The following ABCG4 variants were observed in gnomAD, a reference collection of about 807,000 sequenced individuals.
ABCG4 encodes ATP binding cassette subfamily G member 4.
ABCG4 carries 35 observed loss-of-function variants against 64.6 expected under a neutral mutation model. The ratio of observed to expected loss-of-function variants is 0.54; its 90% CI spans 0.41 to 0.72. The LOEUF (loss-of-function observed/expected upper bound fraction) is 0.72. Among genes scored for constraint, ABCG4 ranks in the 30% least tolerant of loss-of-function variants. ABCG4 has a pLI of 0.00. For missense variants in ABCG4, 610 were observed against 846.3 expected (o/e 0.72, Z 3.46); for synonymous variants, 326 against 348.2 (o/e 0.94, Z 0.71).
Position 119,154,683 on chromosome 11 carries a change from T to C in ABCG4, c.541-87T>C. On this transcript the variant is annotated intron_variant, in intron 5 of 14. Coordinates refer to ENST00000619701, the MANE Select transcript of ABCG4 (RefSeq NM_022169.5). The surrounding 1 kb of genome is among the most constrained non-coding windows in gnomAD (Gnocchi z 7.0). ...GGTGGCCTAGGCCGAGACAATGCAC[T>C]TAAGGGAGATGCTTTTTGAAGCTGG... The C allele has an allele frequency of 6.3e-7, 1 of 1,588,978 alleles. No homozygotes were observed. The highest frequency in any genetic ancestry group is 2.2e-5 in the East Asian group (1 of 44,518).
rs764526008 is a variant in ABCG4 at position 119,155,110 on chromosome 11, T to C, written c.686+195T>C. 5.3e-5 allele frequency among the ~76,000 whole-genome samples: 8 copies of C among 152,174 alleles called. No individual in the cohort carries two copies. The highest frequency in any genetic ancestry group is 1.2e-4 in the Non-Finnish European group (8 of 68,024). ...GCCCCATCCTTCGCCTGGGCAGAGA[T>C]CTAGGTGTCCTCCTTGATTGACACC... is the stretch of plus-strand genomic sequence containing the variant. On this transcript the variant is annotated intron_variant, in intron 6 of 14. Transcript: ENST00000619701. The surrounding 1 kb of genome is among the most constrained non-coding windows in gnomAD (Gnocchi z 4.5).
In ABCG4 at chr11:119,154,078, G is replaced by A; in HGVS notation, c.291G>A (p.Leu97=). ...CAGGTAAATTCTGCCGCCGGGAGCT[G>A]ATTGGCATCATGGGCCCCTCAGGGG... The part of the protein sequence containing the change: ...CLSGKFCRRE[L]IGIMGPSGAG... Residue 97 remains leucine, a synonymous_variant, in exon 3 of 15, where the codon CTG becomes CTA. Coordinates refer to ENST00000619701, the MANE Select transcript of ABCG4 (RefSeq NM_022169.5). This position sits in a 1 kb window ranked among gnomAD's most constrained non-coding sequence, Gnocchi z 7.0. 18 of 1,614,226 alleles carry A rather than the reference G, an allele frequency of 1.1e-5. No individual in the cohort carries two copies. Among genetic ancestry groups the A allele is most frequent in the Non-Finnish European group, 1.5e-5 (18 of 1,180,040 alleles).
In ABCG4 at chr11:119,156,865, T is replaced by A. The variant is rs201059363; in HGVS notation, c.926-7T>A. On this transcript the variant is annotated splice_polypyrimidine_tract_variant and splice_region_variant and intron_variant, in intron 8 of 14. Coordinates refer to ENST00000619701, the MANE Select transcript of ABCG4 (RefSeq NM_022169.5). The surrounding 1 kb of genome is among the most constrained non-coding windows in gnomAD (Gnocchi z 5.5). ...TCTAAACTGAGCTCTCCACTCTGTGTCCCCAGTCATCGAGGTGGCCTCTGG... is the reference window on the plus strand; with the variant it reads ...TCTAAACTGAGCTCTCCACTCTGTGACCCCAGTCATCGAGGTGGCCTCTGG... 7.5e-5 allele frequency: 121 copies of A among 1,605,316 alleles called. No individual in the cohort carries two copies. Among genetic ancestry groups the A allele is most frequent in the Non-Finnish European group, 4.3e-5 (51 of 1,175,358 alleles).
At chr11:119,153,985 C>T (rs769422000) in intron 2 of ABCG4, 41 bp from the exon 3 acceptor site, 1 of 1,569,542 alleles carries the variant, frequency 6.4e-7, no homozygotes, top group Admixed American at 1.7e-5. Context: ...TACCTCTGTT[C>T]ACTGCAGCCT....
At chr11:119,152,136 G>A (rs776593391) in intron 2 of ABCG4, among the ~76,000 whole-genome samples, 23 of 152,172 alleles carry the variant, frequency 1.5e-4, no homozygotes, top group Non-Finnish European at 2.8e-4. Context: ...GCTGGAGTGC[G>A]CCACCAAATG....
At position 119,154,067 on chromosome 11, in the gene ABCG4, C is replaced by T. The variant is rs758347342; in HGVS notation, c.280C>T (p.Arg94Cys). 1.1e-5 allele frequency: 17 copies of T among 1,614,174 alleles called. No homozygotes were observed. Among genetic ancestry groups the T allele is most frequent in the Admixed American group, 8.3e-5 (5 of 60,018 alleles). The change falls in exon 3 of 15, where the codon CGC becomes TGC. Residue 94 changes from arginine (R) to cysteine (C), a missense_variant. Coordinates refer to ENST00000619701, the MANE Select transcript of ABCG4 (RefSeq NM_022169.5). This position sits in a 1 kb window ranked among gnomAD's most constrained non-coding sequence, Gnocchi z 7.0. Reference protein sequence around the residue: ...LLKCLSGKFCRRELIGIMGPS... With the variant: ...LLKCLSGKFCCRELIGIMGPS... Reference sequence around the variant, plus strand: ...CAAGTGCCTCTCAGGTAAATTCTGCCGCCGGGAGCTGATTGGCATCATGGG... The same window carrying T: ...CAAGTGCCTCTCAGGTAAATTCTGCTGCCGGGAGCTGATTGGCATCATGGG...
chr11:119,154,376 T>C lies in ABCG4; in HGVS notation c.473T>C (p.Val158Ala). 1 of 1,614,010 alleles carries C rather than the reference T, an allele frequency of 6.2e-7. No individual in the cohort carries two copies. The highest frequency in any genetic ancestry group is 8.5e-7 in the Non-Finnish European group (1 of 1,179,992). ...GACATGCTGCTGCCGCACCTCACGG[T>C]GTTGGAAGCCATGATGGTGAGGGCT... ...QDDMLLPHLT[V>A]LEAMMVSANL... is the part of the protein sequence containing the mutation. Residue 158 changes from valine to alanine, a missense_variant, in exon 4 of 15, where the codon GTG becomes GCG. By Grantham distance (64) the Val-to-Ala change is moderately conservative. Transcript: ENST00000619701. The surrounding 1 kb of genome is among the most constrained non-coding windows in gnomAD (Gnocchi z 7.0).
At position 119,158,407 on chromosome 11, in the gene ABCG4, A is replaced by C. The variant is rs559240628; in HGVS notation, c.1167+75A>C. The stretch of plus-strand genomic sequence containing the variant: ...GGGCTGTAGGATCCCAGCAGCTGAA[A>C]TGGGAATGGGGACCCTCCCTCACAG... On this transcript the variant is annotated intron_variant, in intron 10 of 14. Coordinates refer to ENST00000619701, the MANE Select transcript of ABCG4 (RefSeq NM_022169.5). The surrounding 1 kb of genome is among the most constrained non-coding windows in gnomAD (Gnocchi z 4.5). The C allele has an allele frequency of 7.2e-5, 113 of 1,572,640 alleles. No individual in the cohort carries two copies. The African/African-American group carries it at 1.4e-3, about 20-fold the overall frequency.
In ABCG4 at chr11:119,150,029, G is replaced by T. The variant is rs896751158; in HGVS notation, c.64G>T (p.Val22Leu). Residue 22 changes from valine (V) to leucine (L), a missense_variant, in exon 2 of 15, where the codon GTG becomes TTG. By Grantham distance (32) the Val-to-Leu change is conservative. Coordinates refer to ENST00000619701, the MANE Select transcript of ABCG4 (RefSeq NM_022169.5). This position sits in a 1 kb window ranked among gnomAD's most constrained non-coding sequence, Gnocchi z 4.3. Reference protein sequence around the residue: ...GLGPGAVAMAVTLEDGAEPPV... With the variant: ...GLGPGAVAMALTLEDGAEPPV... Reference sequence around the variant, plus strand: ...AGGGCCGGGGGCTGTGGCCATGGCCGTGACGCTGGAGGACGGGGCGGAACC... The same window carrying T: ...AGGGCCGGGGGCTGTGGCCATGGCCTTGACGCTGGAGGACGGGGCGGAACC... 1.2e-6 allele frequency: 2 copies of T among 1,613,236 alleles called. No individual in the cohort carries two copies. The highest frequency in any genetic ancestry group is 3.3e-5 in the Admixed American group (2 of 60,024).
rs200518503 is a variant in ABCG4 at position 119,156,689 on chromosome 11, G to T, written c.925+11G>T. 8.7e-6 allele frequency: 14 copies of T among 1,613,648 alleles called. No homozygotes were observed. The highest frequency in any genetic ancestry group is 1.2e-5 in the Non-Finnish European group (14 of 1,179,564). On this transcript the variant is annotated intron_variant, in intron 8 of 14. Transcript: ENST00000619701. This position sits in a 1 kb window ranked among gnomAD's most constrained non-coding sequence, Gnocchi z 5.5. Reference sequence around the variant, plus strand: ...ACCCGGCTGACTTCAGTGAGTGGGGGTCTGTTGGTAGGGGCTGGGAAACAG... The same window carrying T: ...ACCCGGCTGACTTCAGTGAGTGGGGTTCTGTTGGTAGGGGCTGGGAAACAG...
At position 119,158,947 on chromosome 11, in the gene ABCG4, A is replaced by G; in HGVS notation, c.1437+18A>G. On this transcript the variant is annotated intron_variant, in intron 12 of 14. Coordinates refer to ENST00000619701, the MANE Select transcript of ABCG4 (RefSeq NM_022169.5). This position sits in a 1 kb window ranked among gnomAD's most constrained non-coding sequence, Gnocchi z 4.5. Reference sequence around the variant, plus strand: ...CCTTTCAGGTGGGCCTCTTCCTCCCACCTGCCCACTGCCTCCATCTTGTCT... The same window carrying G: ...CCTTTCAGGTGGGCCTCTTCCTCCCGCCTGCCCACTGCCTCCATCTTGTCT... 1 of 1,609,518 alleles carries G rather than the reference A, an allele frequency of 6.2e-7. No individual in the cohort carries two copies. Among genetic ancestry groups the G allele is most frequent in the South Asian group, 1.1e-5 (1 of 90,960 alleles).
chr11:119,158,447 T>C lies in ABCG4; in HGVS notation c.1168-110T>C, dbSNP rs746048701. ...CTCCCTCACAGCCCTGCAATGTGCC[T>C]GTGGGGTCTCTGTGCCTGTGAGGGC... On this transcript the variant is annotated intron_variant, in intron 10 of 14. Coordinates refer to ENST00000619701, the MANE Select transcript of ABCG4 (RefSeq NM_022169.5). The surrounding 1 kb of genome is among the most constrained non-coding windows in gnomAD (Gnocchi z 4.5). 8.4e-6 allele frequency: 13 copies of C among 1,556,298 alleles called. No individual in the cohort carries two copies. The highest frequency in any genetic ancestry group is 2.2e-5 in the East Asian group (1 of 44,582).
chr11:119,158,412 A>T lies in ABCG4; in HGVS notation c.1167+80A>T. On this transcript the variant is annotated intron_variant, in intron 10 of 14. Transcript: ENST00000619701. This position sits in a 1 kb window ranked among gnomAD's most constrained non-coding sequence, Gnocchi z 4.5. ...GTAGGATCCCAGCAGCTGAAATGGGAATGGGGACCCTCCCTCACAGCCCTG... is the reference window on the plus strand; with the variant it reads ...GTAGGATCCCAGCAGCTGAAATGGGTATGGGGACCCTCCCTCACAGCCCTG... 6.4e-7 allele frequency: 1 copy of T among 1,570,714 alleles called. No individual in the cohort carries two copies. Among genetic ancestry groups the T allele is most frequent in the Non-Finnish European group, 8.8e-7 (1 of 1,142,024 alleles).
chr11:119,161,283 T>G lies in ABCG4; in HGVS notation c.*177T>G. 1.6e-6 allele frequency: 1 copy of G among 609,316 alleles called. No homozygotes were observed. Among genetic ancestry groups the G allele is most frequent in the Non-Finnish European group, 2.9e-6 (1 of 349,244 alleles). 37.7% of individuals were successfully genotyped at this position (609,316 alleles called of 1,614,324 possible). ...GCGCTCCCAGCCTGGGCTCTGGGAG[T>G]GGGGGCTCCAGCCCTCCCCACTATG... On this transcript the variant is annotated 3_prime_UTR_variant, in exon 15 of 15. Coordinates refer to ENST00000619701, the MANE Select transcript of ABCG4 (RefSeq NM_022169.5).
rs562098622 is a variant in ABCG4 at position 119,157,790 on chromosome 11, A to C, written c.1069-444A>C. Among the ~76,000 whole-genome samples, 75 of 152,246 alleles carry C rather than the reference A, an allele frequency of 4.9e-4. 1 individual carries two copies. In the South Asian group the frequency reaches 0.015, roughly 31 times the overall value. Reference sequence around the variant, plus strand: ...CTGAGGCAGGAGAATGGCGTGAACCAGGGAGGCGGAGCTTGCAGTGAGCTG... The same window carrying C: ...CTGAGGCAGGAGAATGGCGTGAACCCGGGAGGCGGAGCTTGCAGTGAGCTG... On this transcript the variant is annotated intron_variant, in intron 9 of 14. Transcript: ENST00000619701.
In ABCG4 at chr11:119,149,098, C is replaced by G. The variant is rs28508469; in HGVS notation, c.-278C>G. 1 of 152,146 alleles carries G rather than the reference C, an allele frequency of 6.6e-6. No homozygotes were observed. The highest frequency in any genetic ancestry group is 1.5e-5 in the Non-Finnish European group (1 of 68,058). The allele number at this position is 152,146 out of a possible 1,614,324, so 9.4% of individuals were successfully genotyped here. A position where few individuals can be genotyped will look rare whatever the true frequency, so the allele number is the denominator to read the frequency against. ...AGGACACAGCGTCCGGGACCAGGCT[C>G]TGGGAAGCGGGTGTGCACAGCCCAG... On this transcript the variant is annotated 5_prime_UTR_variant, in exon 1 of 15. Coordinates refer to ENST00000619701, the MANE Select transcript of ABCG4 (RefSeq NM_022169.5). This position sits in a 1 kb window ranked among gnomAD's most constrained non-coding sequence, Gnocchi z 8.3.
rs372076309 is a variant in ABCG4 at position 119,156,834 on chromosome 11, T to C, written c.926-38T>C. The C allele has an allele frequency of 2.1e-5, 33 of 1,593,676 alleles. No individual in the cohort carries two copies. The African/African-American group carries it at 3.5e-4, about 17-fold the overall frequency. Reference sequence around the variant, plus strand: ...GACTGACTTGCCCTTGGGAAGTGAGTGTGAATCTAAACTGAGCTCTCCACT... The same window carrying C: ...GACTGACTTGCCCTTGGGAAGTGAGCGTGAATCTAAACTGAGCTCTCCACT... On this transcript the variant is annotated intron_variant, in intron 8 of 14. Coordinates refer to ENST00000619701, the MANE Select transcript of ABCG4 (RefSeq NM_022169.5). The surrounding 1 kb of genome is among the most constrained non-coding windows in gnomAD (Gnocchi z 5.5).
chr11:119,158,947 A>C lies in ABCG4; in HGVS notation c.1437+18A>C, dbSNP rs931022776. ...CCTTTCAGGTGGGCCTCTTCCTCCC[A>C]CCTGCCCACTGCCTCCATCTTGTCT... On this transcript the variant is annotated intron_variant, in intron 12 of 14. Transcript: ENST00000619701. This position sits in a 1 kb window ranked among gnomAD's most constrained non-coding sequence, Gnocchi z 4.5. The C allele has an allele frequency of 2.5e-6, 4 of 1,609,400 alleles. No homozygotes were observed. In the African/African-American group the frequency reaches 5.3e-5, roughly 22 times the overall value.
rs1656868539 is a variant in ABCG4 at position 119,150,333 on chromosome 11, G to A, written c.238+130G>A. ...GCTCTGTGGAAACACTAAAATCTGG[G>A]CCCCAGCCCGTTGCTCACTGTGCAC... On this transcript the variant is annotated intron_variant, in intron 2 of 14. Transcript: ENST00000619701. This position sits in a 1 kb window ranked among gnomAD's most constrained non-coding sequence, Gnocchi z 4.3. 1.5e-6 allele frequency: 2 copies of A among 1,327,774 alleles called. No individual in the cohort carries two copies. The highest frequency in any genetic ancestry group is 2.1e-6 in the Non-Finnish European group (2 of 975,364). The allele number at this position is 1,327,774 out of a possible 1,614,324, so 82.2% of individuals were successfully genotyped here. A position where few individuals can be genotyped will look rare whatever the true frequency, so the allele number is the denominator to read the frequency against.
Sources: gnomAD v4.1 joint callset for allele counts (sites outside exome capture counted in the v4.1 genomes callset) on GRCh38, gnomAD v4.1.1 for gene constraint, Gnocchi (gnomAD v3.1) non-coding constraint, MANE v1.5 for transcripts, NCBI Gene and HGNC (gene_info 2026-07-23, HGNC 2026-07-21) for gene names.